Variants in SAMD15 observed in about 807,000 individuals in gnomAD.
The protein encoded by SAMD15 is sterile alpha motif domain-containing protein 15.
Under a neutral mutation model 50.5 loss-of-function variants are expected in SAMD15, and 37 were observed. The ratio of observed to expected loss-of-function variants is 0.73; its 90% CI spans 0.56 to 0.96. The LOEUF (loss-of-function observed/expected upper bound fraction) is 0.96, where lower values mean the gene tolerates loss of function less well. Ranked by LOEUF, SAMD15 falls within the 40% of genes least tolerant of loss-of-function variation. The probability of loss-of-function intolerance (pLI) is 0.00; values close to 1 mark genes in which losing one functional copy is unlikely to be tolerated. For synonymous variants in SAMD15, 255 were observed against 282.8 expected, an observed-to-expected ratio of 0.90 and a Z score of 0.99; for missense variants, 789 against 783.8, an observed-to-expected ratio of 1.01 and a Z score of -0.08.
At chr14:77,381,165 A>G (rs144138475) in intron 2 of SAMD15, among the ~76,000 whole-genome samples, 8 of 152,248 alleles carry the variant, frequency 5.3e-5, no homozygotes, top group African/African-American at 1.7e-4. Flanking sequence ...TTCTCATGAC[A>G]TTTTGTGTCT....
intron 2 of SAMD15, among the ~76,000 whole-genome samples, chr14:77,385,247 C>G (rs1670719331): frequency 6.6e-6 from 1 of 151,936 alleles, no homozygotes; most frequent in Non-Finnish European, 1.5e-5. Flanking sequence ...AGCCTTCCTT[C>G]CCATCCTTCC....
intron 2 of SAMD15, among the ~76,000 whole-genome samples, chr14:77,385,847 A>ACT (rs1555361706): frequency 7.6e-6 from 1 of 131,044 alleles, no homozygotes; most frequent in African/African-American, 2.9e-5. Context: ...AACATCCTGG[A>ACT]TTTTTTTTTT....
chr14:77,384,423 A>AT (rs1306197886), intron 2 of SAMD15, among the ~76,000 whole-genome samples: 5 of 151,924 alleles, frequency 3.3e-5, no homozygotes, highest in African/African-American at 1.2e-4. Flanking sequence ...CCTTTCTCCC[A>AT]TTTTTTAATC....
At chr14:77,383,879 C>T (rs929779565) in intron 2 of SAMD15, among the ~76,000 whole-genome samples, 1 of 145,962 alleles carries the variant, frequency 6.9e-6, no homozygotes, top group Admixed American at 7.0e-5. Context: ...CTGAAGCAGG[C>T]GAATAGCTTG....
At position 77,391,766 on chromosome 14, in the gene SAMD15, T is replaced by A. The variant is rs1894076503; in HGVS notation, c.*522T>A. 1.3e-5 allele frequency among the ~76,000 whole-genome samples: 2 copies of A among 152,124 alleles called. No individual in the cohort carries two copies. The highest frequency in any genetic ancestry group is 6.6e-5 in the Admixed American group (1 of 15,264). ...TTATCTTTCTGGGTAATTATAAGAA[T>A]TCCTGAGCCGGGCAAGGTGGCTCAC... On this transcript the variant is annotated 3_prime_UTR_variant, in exon 3 of 3. Transcript: ENST00000216471.
At chr14:77,379,226 GTGGTAGAGGTAACT>G in intron 1 of SAMD15, 119 bp downstream of exon 1, 1 of 911,464 alleles carries the variant, frequency 1.1e-6, no homozygotes, top group Non-Finnish European at 1.7e-6. Flanking sequence ...GTCCTAGACT[GTGGTAGAGGTAACT>G]TGGATTTTAA....
chr14:77,378,678 CAAGG>C lies in SAMD15; in HGVS notation c.1264_1267del (p.Glu422ThrfsTer6). The C allele has an allele frequency of 6.2e-7, 1 of 1,614,018 alleles. No homozygotes were observed. The highest frequency in any genetic ancestry group is 1.1e-5 in the South Asian group (1 of 91,082). Reference sequence around the variant, plus strand: ...CAAGGGAGACACATGTAGAATTTTCCAAGGAAGACAGGCCAGAACCAATAAAGTC... The same window carrying C: ...CAAGGGAGACACATGTAGAATTTTCCAAGACAGGCCAGAACCAATAAAGTC... On this transcript the variant is annotated frameshift_variant, in exon 1 of 3. Coordinates refer to ENST00000216471, the MANE Select transcript of SAMD15 (RefSeq NM_001010860.4). LOFTEE classifies it high-confidence loss of function.
chr14:77,380,303 T>TTCC, intron 1 of SAMD15, 80 bp from the exon 2 acceptor site: 1 of 909,880 alleles, frequency 1.1e-6, no homozygotes, highest in Middle Eastern at 2.1e-4. Flanking sequence ...ACACGACTTC[T>TTCC]TCCCTTCCTC....
At chr14:77,380,029 C>CT (rs1893922930) in intron 1 of SAMD15, among the ~76,000 whole-genome samples, 1 of 152,150 alleles carries the variant, frequency 6.6e-6, no homozygotes, top group Admixed American at 6.5e-5. Flanking sequence ...TGAAGAAGCA[C>CT]TGGTTGTACC....
chr14:77,378,061 G>A lies in SAMD15; in HGVS notation c.643G>A (p.Asp215Asn). Residue 215 changes from aspartate to asparagine, a missense_variant, in exon 1 of 3, where the codon GAT (aspartate) becomes AAT (asparagine). Coordinates refer to ENST00000216471, the MANE Select transcript of SAMD15 (RefSeq NM_001010860.4). ...GLEPPEQTKQ[D>N]FPSEKLGESL... ...AGAGCCTCCAGAGCAGACCAAACAAGATTTTCCAAGTGAGAAACTAGGAGA... is the reference window on the plus strand; with the variant it reads ...AGAGCCTCCAGAGCAGACCAAACAAAATTTTCCAAGTGAGAAACTAGGAGA... 6.2e-7 allele frequency: 1 copy of A among 1,613,956 alleles called. No homozygotes were observed. Among genetic ancestry groups the A allele is most frequent in the Non-Finnish European group, 8.5e-7 (1 of 1,180,036 alleles).
rs769434063 is a variant in SAMD15 at position 77,378,384 on chromosome 14, T to A, written c.966T>A (p.Asp322Glu). 2 of 1,613,878 alleles carry A rather than the reference T, an allele frequency of 1.2e-6. No homozygotes were observed. Among genetic ancestry groups the A allele is most frequent in the East Asian group, 2.2e-5 (1 of 44,884 alleles). Residue 322 changes from aspartate (D) to glutamate (E), a missense_variant, in exon 1 of 3, where the codon GAT becomes GAA. Asp to Glu is a conservative substitution (Grantham distance 45). Coordinates refer to ENST00000216471, the MANE Select transcript of SAMD15 (RefSeq NM_001010860.4). ...FPDHKPRKST[D>E]ENVPEPLEEI... Reference sequence around the variant, plus strand: ...ACCACAAGCCAAGAAAGTCTACTGATGAGAACGTTCCTGAGCCACTAGAAG... The same window carrying A: ...ACCACAAGCCAAGAAAGTCTACTGAAGAGAACGTTCCTGAGCCACTAGAAG...
intron 2 of SAMD15, among the ~76,000 whole-genome samples, chr14:77,389,037 CT>C (rs576482527): frequency 1.3e-5 from 2 of 152,034 alleles, no homozygotes; most frequent in Non-Finnish European, 2.9e-5. Context: ...TATAATTGTG[CT>C]TTTGCATATC....
chr14:77,379,180 G>A (rs1334547379), intron 1 of SAMD15, 73 bp downstream of exon 1: 2 of 1,392,778 alleles, frequency 1.4e-6, no homozygotes, highest in African/African-American at 2.9e-5. Context: ...AACTTGGCCT[G>A]AGCTCTTACC....
intron 2 of SAMD15, among the ~76,000 whole-genome samples, chr14:77,389,975 A>G (rs1894052427): frequency 6.6e-6 from 1 of 151,076 alleles, no homozygotes; most frequent in Non-Finnish European, 1.5e-5. Context: ...TTTTTTAGTT[A>G]AATAAATGAG....
At chr14:77,384,371 T>C (rs1399643562) in intron 2 of SAMD15, among the ~76,000 whole-genome samples, 1 of 152,224 alleles carries the variant, frequency 6.6e-6, no homozygotes, top group Non-Finnish European at 1.5e-5. Context: ...CTATGTTTAA[T>C]TGGAATTCTT....
At chr14:77,388,603 G>GT (rs112868503) in intron 2 of SAMD15, among the ~76,000 whole-genome samples, 33,412 of 148,864 alleles carry the variant, frequency 0.22, 4,118 homozygotes, top group Middle Eastern at 0.29. Flanking sequence ...GTAGCAATTT[G>GT]TTTTTTTTGT....
intron 2 of SAMD15, among the ~76,000 whole-genome samples, chr14:77,384,755 G>A (rs1278533940): frequency 6.6e-6 from 1 of 152,176 alleles, no homozygotes; most frequent in Non-Finnish European, 1.5e-5. Context: ...AGTTGTGCTT[G>A]TTGCTACTGA....
Position 77,378,641 on chromosome 14 carries a change from A to C in SAMD15, c.1223A>C (p.Asp408Ala). The change falls in exon 1 of 3, where the codon GAT becomes GCT. Residue 408 changes from aspartate to alanine, a missense_variant. Physicochemically the swap from Asp to Ala is moderately radical, Grantham distance 126. Coordinates refer to ENST00000216471, the MANE Select transcript of SAMD15 (RefSeq NM_001010860.4). ...KPTEKILELPDETKPRETHVE... is the reference protein window; with the variant it reads ...KPTEKILELPAETKPRETHVE... ...ACTGAGAAAATTCTAGAGTTACCAGATGAAACCAAACCAAGGGAGACACAT... is the reference window on the plus strand; with the variant it reads ...ACTGAGAAAATTCTAGAGTTACCAGCTGAAACCAAACCAAGGGAGACACAT... The C allele has an allele frequency of 6.2e-7, 1 of 1,614,170 alleles. No individual in the cohort carries two copies.
At chr14:77,379,233 A>C in intron 1 of SAMD15, 126 bp downstream of exon 1, 1 of 873,342 alleles carries the variant, frequency 1.1e-6, no homozygotes, top group Non-Finnish European at 1.8e-6. Flanking sequence ...ACTGTGGTAG[A>C]GGTAACTTGG....
Sources: allele counts gnomAD v4.1 joint callset (sites outside exome capture counted in the v4.1 genomes callset), GRCh38; gene constraint gnomAD v4.1.1; transcripts MANE v1.5; gene names NCBI Gene and HGNC (gene_info 2026-07-23, HGNC 2026-07-21).